SLC66A2: variants seen among roughly 807,000 people sequenced by gnomAD.
SLC66A2 encodes the protein PQ loop repeat containing 1.
Under a neutral mutation model 25.5 loss-of-function variants are expected in SLC66A2, and 23 were observed. The ratio of observed to expected loss-of-function variants is 0.90; its 90% CI spans 0.65 to 1.28. The LOEUF is 1.28. SLC66A2 is among the 50% of genes most tolerant of loss of function. SLC66A2 has a pLI of 0.00. For synonymous variants in SLC66A2, 193 were observed against 166.5 expected, an observed-to-expected ratio of 1.16 and a Z score of -1.23; for missense variants, 396 against 373.1, an observed-to-expected ratio of 1.06 and a Z score of -0.51.
chr18:79,912,110 G>C (rs572085862), intron 5 of SLC66A2, among the ~76,000 whole-genome samples: 5 of 14,664 alleles, frequency 3.4e-4, no homozygotes, highest in Non-Finnish European at 1.5e-3. Context: ...ACAGGAGTGG[G>C]GGGGACGGGA....
In SLC66A2 at chr18:79,937,643, C is replaced by T. The variant is rs749162263; in HGVS notation, c.338-3621G>A. Among the ~76,000 whole-genome samples the T allele has an allele frequency of 3.3e-5, 5 of 152,170 alleles. No individual in the cohort carries two copies. Among genetic ancestry groups the T allele is most frequent in the Non-Finnish European group, 7.4e-5 (5 of 68,020 alleles). On this transcript the variant is annotated intron_variant, in intron 3 of 5. Coordinates refer to ENST00000397778, the MANE Select transcript of SLC66A2 (RefSeq NM_025078.5). The surrounding 1 kb of genome is among the most constrained non-coding windows in gnomAD (Gnocchi z 5.4). ...GCCTCAGCATGAGCCCCACAGTGGC[C>T]GCTGACCACACGCACCTCCGACGGA... is the stretch of plus-strand genomic sequence containing the variant.
rs1240738652 is a variant in SLC66A2, at chr18:79,916,119, C to CCACGGTG, written c.608+3064_608+3065insCACCGTG. Among the ~76,000 whole-genome samples the CCACGGTG allele has an allele frequency of 1.7e-3, 201 of 118,044 alleles. 7 individuals are homozygous for CCACGGTG. Among genetic ancestry groups the CCACGGTG allele is most frequent in the Middle Eastern group, 0.011 (2 of 184 alleles). 77.4% of individuals were successfully genotyped at this position (118,044 alleles called of 152,430 possible). Reference sequence around the variant, plus strand: ...TCTCATACCCGCAGTGCTCCCGTACCCTCCCATACCCACGGTGCTCCCGTA... The same window carrying CCACGGTG: ...TCTCATACCCGCAGTGCTCCCGTACCCACGGTGCTCCCATACCCACGGTGCTCCCGTA... On this transcript the variant is annotated intron_variant, in intron 5 of 5. Transcript: ENST00000397778.
At chr18:79,932,392 A>G (rs577722843) in intron 4 of SLC66A2, among the ~76,000 whole-genome samples, 1 of 152,218 alleles carries the variant, frequency 6.6e-6, no homozygotes, top group East Asian at 1.9e-4. Flanking sequence ...GTGAAATAAA[A>G]CACAGAATAG....
chr18:79,906,063 T>C (rs1982085584), intron 5 of SLC66A2, among the ~76,000 whole-genome samples: 1 of 152,204 alleles, frequency 6.6e-6, no homozygotes, highest in Non-Finnish European at 1.5e-5. Context: ...GGGCATGAGG[T>C]TGTTCATTGT....
In SLC66A2 at chr18:79,904,966, C is replaced by T. The variant is rs922373090; in HGVS notation, c.609-783G>A. On this transcript the variant is annotated intron_variant, in intron 5 of 5. Coordinates refer to ENST00000397778, the MANE Select transcript of SLC66A2 (RefSeq NM_025078.5). This position sits in a 1 kb window ranked among gnomAD's most constrained non-coding sequence, Gnocchi z 6.3. The stretch of plus-strand genomic sequence containing the variant: ...AGGACAGGACACAGCCCTCCCCCAC[C>T]CTGGGGCGTCCGTCCCGCTCATAAG... 6.6e-6 allele frequency among the ~76,000 whole-genome samples: 1 copy of T among 152,186 alleles called. No homozygotes were observed. The highest frequency in any genetic ancestry group is 2.4e-5 in the African/African-American group (1 of 41,442).
chr18:79,950,144 C>G (rs1394778080), intron 2 of SLC66A2, among the ~76,000 whole-genome samples: 1 of 152,024 alleles, frequency 6.6e-6, no homozygotes, highest in African/African-American at 2.4e-5. Flanking sequence ...GAGTTCGAGA[C>G]CAGCCTGGGC....
intron 4 of SLC66A2, among the ~76,000 whole-genome samples, chr18:79,924,677 C>T (rs1985716433): frequency 1.3e-5 from 2 of 152,140 alleles, no homozygotes; most frequent in African/African-American, 4.8e-5. Context: ...ATGTATGTGA[C>T]TTGTCTTATA....
chr18:79,948,505 T>C (rs1246225482), intron 2 of SLC66A2, among the ~76,000 whole-genome samples: 1 of 152,176 alleles, frequency 6.6e-6, no homozygotes, highest in African/African-American at 2.4e-5. Flanking sequence ...ACACCTAAGC[T>C]AATGTTTCAA....
chr18:79,936,015 CACA>C (rs1157355975), intron 3 of SLC66A2, among the ~76,000 whole-genome samples: 1 of 152,220 alleles, frequency 6.6e-6, no homozygotes. Flanking sequence ...ACAAGAGAGA[CACA>C]ACAAGTTATG....
chr18:79,916,056 GCGC>G, intron 5 of SLC66A2: 1 of 198,824 alleles, frequency 5.0e-6, no homozygotes, highest in African/African-American at 2.7e-5. Flanking sequence ...CGTACCCATG[GCGC>G]TCCCATACCC....
Position 79,927,707 on chromosome 18 carries a change from C to T in SLC66A2, c.391+6262G>A, listed in dbSNP as rs1026392613. 4.6e-5 allele frequency among the ~76,000 whole-genome samples: 7 copies of T among 152,228 alleles called. No homozygotes were observed. The highest frequency in any genetic ancestry group is 1.9e-4 in the East Asian group (1 of 5,154). On this transcript the variant is annotated intron_variant, in intron 4 of 5. Transcript: ENST00000397778. This position sits in a 1 kb window ranked among gnomAD's most constrained non-coding sequence, Gnocchi z 6.2. ...GGACAGGCTGAGTGGGGACTGAGCA[C>T]GTCTAGGGCCAGAGTGGGAGGGCCA...
chr18:79,946,330 G>A (rs186557501), intron 2 of SLC66A2, among the ~76,000 whole-genome samples: 35 of 152,372 alleles, frequency 2.3e-4, no homozygotes, highest in Admixed American at 7.2e-4. Context: ...AGCAGCATTA[G>A]TAATTTTAAA....
chr18:79,924,810 G>A (rs1985734842), intron 4 of SLC66A2: 1 of 152,160 alleles, frequency 6.6e-6, no homozygotes, highest in African/African-American at 2.4e-5. Flanking sequence ...CTCCAAGTCT[G>A]GGAATTAAGG....
intron 3 of SLC66A2, among the ~76,000 whole-genome samples, chr18:79,935,007 C>T (rs552408067): frequency 6.6e-6 from 1 of 152,270 alleles, no homozygotes; most frequent in Admixed American, 6.5e-5. Context: ...CTTCTCTCCT[C>T]CCTCAGCCTC....
chr18:79,934,119 G>T, intron 3 of SLC66A2, 97 bp from the exon 4 acceptor site: 3 of 905,558 alleles, frequency 3.3e-6, no homozygotes, highest in Non-Finnish European at 4.8e-6. Context: ...AGAACTTTTT[G>T]CATTTCTTTA....
At chr18:79,942,807 C>G (rs2144945675) in intron 3 of SLC66A2, among the ~76,000 whole-genome samples, 1 of 152,362 alleles carries the variant, frequency 6.6e-6, no homozygotes, top group African/African-American at 2.4e-5. Flanking sequence ...GTGATTGGTC[C>G]TGCCCAGCTG....
chr18:79,933,878 G>A, intron 4 of SLC66A2, 91 bp downstream of exon 4: 2 of 1,148,530 alleles, frequency 1.7e-6, no homozygotes, highest in Non-Finnish European at 2.6e-6. Flanking sequence ...GCACGCACAT[G>A]CACAGATGGA....
rs574412137 is a variant in SLC66A2, at chr18:79,929,360, G to A, written c.391+4609C>T. Among the ~76,000 whole-genome samples, 124 of 152,302 alleles carry A rather than the reference G, an allele frequency of 8.1e-4. 2 individuals are homozygous for A. The highest frequency in any genetic ancestry group is 2.8e-3 in the African/African-American group (118 of 41,564). On this transcript the variant is annotated intron_variant, in intron 4 of 5. Transcript: ENST00000397778. ...GGAAGATCAGGGAGGGTCACAGCCA[G>A]CCAGAACCACCACATCTGAGGGAGA... is the stretch of plus-strand genomic sequence containing the variant.
At chr18:79,915,200 G>A (rs888565099) in intron 5 of SLC66A2, among the ~76,000 whole-genome samples, 20 of 152,156 alleles carry the variant, frequency 1.3e-4, no homozygotes, top group African/African-American at 4.8e-4. Flanking sequence ...TGGGAAAACC[G>A]CCCGATGGTC....
Sources: gnomAD v4.1 joint callset for allele counts (sites outside exome capture counted in the v4.1 genomes callset) on GRCh38, gnomAD v4.1.1 for gene constraint, Gnocchi (gnomAD v3.1) non-coding constraint, MANE v1.5 for transcripts, NCBI Gene and HGNC (gene_info 2026-07-23, HGNC 2026-07-21) for gene names.